The following CTNNA3 variants were observed in gnomAD, a reference collection of about 807,000 sequenced individuals.
The protein encoded by CTNNA3 is catenin alpha 3.
In CTNNA3, 76 loss-of-function variants were observed where a neutral mutation model predicts 95.7. The observed-to-expected ratio is 0.79, with a 90% confidence interval of 0.66 to 0.96. The LOEUF (loss-of-function observed/expected upper bound fraction) is 0.96, where lower values mean the gene tolerates loss of function less well. Among genes scored for constraint, CTNNA3 ranks in the 40% least tolerant of loss-of-function variants. The pLI is 0.00. For synonymous variants in CTNNA3, 431 were observed against 374.4 expected (o/e 1.15, Z -1.74); for missense variants, 1,191 against 1,089.8 (o/e 1.09, Z -1.31).
chr10:66,425,935 T>C (rs925067309), intron 11 of CTNNA3, among the ~76,000 whole-genome samples: 4 of 152,088 alleles, frequency 2.6e-5, no homozygotes, highest in Admixed American at 1.3e-4. Flanking sequence ...CATGCTGACT[T>C]CTACCAGCAT....
chr10:66,155,912 C>A (rs544303565), intron 13 of CTNNA3, among the ~76,000 whole-genome samples: 23 of 149,412 alleles, frequency 1.5e-4, no homozygotes, highest in Admixed American at 1.1e-3. Context: ...AGAAAGAACT[C>A]AAAAAAAATC....
chr10:67,607,141 G>T, intron 2 of CTNNA3, 92 bp from the exon 3 acceptor site: 1 of 1,031,164 alleles, frequency 9.7e-7, no homozygotes, highest in Non-Finnish European at 1.4e-6. Context: ...AGACAGTACA[G>T]TTGACACTTG....
intron 5 of CTNNA3, among the ~76,000 whole-genome samples, chr10:67,302,827 C>T (rs1233260542): frequency 1.3e-5 from 2 of 152,088 alleles, no homozygotes; most frequent in Admixed American, 6.5e-5. Flanking sequence ...GAGTACTAGG[C>T]AGGGTGCCAG....
At chr10:67,234,328 C>T (rs995071865) in intron 5 of CTNNA3, among the ~76,000 whole-genome samples, 3 of 152,212 alleles carry the variant, frequency 2.0e-5, no homozygotes, top group Non-Finnish European at 4.4e-5. Flanking sequence ...ATCAAGTGGG[C>T]TTCATCCCTG....
intron 3 of CTNNA3, among the ~76,000 whole-genome samples, chr10:67,579,009 AT>A (rs1454347899): frequency 3.0e-5 from 2 of 67,130 alleles, no homozygotes; most frequent in African/African-American, 1.3e-4. Flanking sequence ...ATATATATAT[AT>A]ATATATATAT....
Position 67,701,276 on chromosome 10 carries a change from G to A in CTNNA3, c.-1-53762C>T, listed in dbSNP as rs191458875. Among the ~76,000 whole-genome samples the A allele has an allele frequency of 5.0e-4, 76 of 152,222 alleles. 1 individual carries two copies. The East Asian group carries it at 0.014, about 28-fold the overall frequency. On this transcript the variant is annotated intron_variant, in intron 1 of 17. Coordinates refer to the CTNNA3 transcript ENST00000684154. ...TTCAGACTCAGGAAATACAGAGAAT[G>A]TCACAAAGATACTCCTCGAGAAGAG...
chr10:66,401,330 G>T (rs889480197), intron 11 of CTNNA3, among the ~76,000 whole-genome samples: 1 of 151,830 alleles, frequency 6.6e-6, no homozygotes, highest in Non-Finnish European at 1.5e-5. Flanking sequence ...GTTTAAGACC[G>T]GCCTGGCCAA....
chr10:66,345,994 T>C (rs1179788071), intron 12 of CTNNA3, among the ~76,000 whole-genome samples: 1 of 147,638 alleles, frequency 6.8e-6, no homozygotes, highest in Non-Finnish European at 1.5e-5. Context: ...GGAGAATTGC[T>C]TGAATCTGGG....
intron 1 of CTNNA3, chr10:67,750,937 C>A (rs189157202): frequency 1.2e-6 from 2 of 1,609,162 alleles, no homozygotes; most frequent in African/African-American, 1.3e-5. Context: ...TCCGGATAGA[C>A]TTTGGGCCAA....
intron 13 of CTNNA3, among the ~76,000 whole-genome samples, chr10:66,140,087 G>A (rs1212163902): frequency 6.6e-6 from 1 of 152,150 alleles, no homozygotes; most frequent in African/African-American, 2.4e-5. Context: ...GAGATTTTGA[G>A]CAGCTCCATT....
chr10:66,167,024 C>G (rs1329625716), intron 13 of CTNNA3, among the ~76,000 whole-genome samples: 1 of 151,952 alleles, frequency 6.6e-6, no homozygotes, highest in Non-Finnish European at 1.5e-5. Context: ...TAAGGCAGAG[C>G]AATTTAGACT....
chr10:66,227,198 G>T (rs1197257830), intron 13 of CTNNA3, among the ~76,000 whole-genome samples: 2 of 151,954 alleles, frequency 1.3e-5, no homozygotes, highest in Non-Finnish European at 1.5e-5. Flanking sequence ...TAATTATTCT[G>T]GCTAGGACTT....
In CTNNA3 at chr10:66,279,302, GCA is replaced by G. The variant is rs374798763; in HGVS notation, c.1884+1166_1884+1167del. Reference sequence around the variant, plus strand: ...CTGATGCTCCACTCATATATTCTCAGCACTTCTATATCCATCTTACAGACTTA... The same window carrying G: ...CTGATGCTCCACTCATATATTCTCAGCTTCTATATCCATCTTACAGACTTA... On this transcript the variant is annotated intron_variant, in intron 13 of 17. Transcript: ENST00000433211. Among the ~76,000 whole-genome samples the G allele has an allele frequency of 5.4e-3, 814 of 152,096 alleles. 7 individuals carry two copies. Among genetic ancestry groups the G allele is most frequent in the African/African-American group, 0.019 (771 of 41,508 alleles).
intron 7 of CTNNA3, among the ~76,000 whole-genome samples, chr10:67,058,780 C>T (rs560829639): frequency 2.0e-5 from 3 of 152,248 alleles, no homozygotes; most frequent in Admixed American, 2.0e-4. Context: ...GTAATGTCTG[C>T]ATCACAGAGC....
chr10:67,177,884 T>G (rs1160795190), intron 7 of CTNNA3, among the ~76,000 whole-genome samples: 8 of 152,172 alleles, frequency 5.3e-5, no homozygotes, highest in African/African-American at 1.9e-4. Flanking sequence ...AAAATCACCA[T>G]TATTTTGATG....
chr10:67,717,087 T>C (rs1375489747), intron 1 of CTNNA3, among the ~76,000 whole-genome samples: 2 of 152,236 alleles, frequency 1.3e-5, no homozygotes, highest in Non-Finnish European at 2.9e-5. Context: ...GATGAGCTTT[T>C]TTTCACATGT....
intron 10 of CTNNA3, 54 bp from the exon 11 acceptor site, chr10:66,520,827 G>T: frequency 7.1e-7 from 1 of 1,412,372 alleles, no homozygotes; most frequent in Non-Finnish European, 9.9e-7. Flanking sequence ...TTCACTATTT[G>T]GGTGATGGGC....
chr10:66,154,945 A>G (rs1363890865), intron 13 of CTNNA3, among the ~76,000 whole-genome samples: 1 of 151,488 alleles, frequency 6.6e-6, no homozygotes, highest in Non-Finnish European at 1.5e-5. Flanking sequence ...ATAAACAGCC[A>G]GACAGTAAAT....
intron 7 of CTNNA3, among the ~76,000 whole-genome samples, chr10:66,845,782 T>TAC (rs1843251219): frequency 7.6e-6 from 1 of 131,246 alleles, no homozygotes; most frequent in Non-Finnish European, 1.6e-5. Context: ...CACACACACA[T>TAC]ATATATGTAT....
Sources: gnomAD v4.1 joint callset for allele counts (sites outside exome capture counted in the v4.1 genomes callset) on GRCh38, gnomAD v4.1.1 for gene constraint, MANE v1.5 for transcripts, NCBI Gene and HGNC (gene_info 2026-07-23, HGNC 2026-07-21) for gene names.